EXOC6B: variants seen among roughly 807,000 people sequenced by gnomAD.
EXOC6B encodes exocyst complex component 6B.
Under a neutral mutation model 113.5 loss-of-function variants are expected in EXOC6B, and 54 were observed. That is an observed-to-expected ratio of 0.48 (90% confidence interval 0.38 to 0.60). EXOC6B has a LOEUF of 0.60. Among genes scored for constraint, EXOC6B ranks in the 20% least tolerant of loss-of-function variants. EXOC6B has a pLI of 0.00. For missense variants in EXOC6B, 797 were observed against 977.5 expected, an observed-to-expected ratio of 0.82 and a Z score of 2.46; for synonymous variants, 357 against 339.0, an observed-to-expected ratio of 1.05 and a Z score of -0.58.
intron 20 of EXOC6B, among the ~76,000 whole-genome samples, chr2:72,329,465 CT>C (rs1485557283): frequency 6.6e-6 from 1 of 152,018 alleles, no homozygotes; most frequent in African/African-American, 2.4e-5. Context: ...GACTACATGT[CT>C]TTTTGGTATA....
intron 6 of EXOC6B, among the ~76,000 whole-genome samples, chr2:72,659,102 GTAGGT>G (rs1389921998): frequency 1.3e-5 from 2 of 152,150 alleles, no homozygotes; most frequent in East Asian, 3.9e-4. Context: ...ATTTTTGGAA[GTAGGT>G]AGAAACATAC....
chr2:72,360,927 T>A (rs1352075781), intron 19 of EXOC6B, among the ~76,000 whole-genome samples: 1 of 105,208 alleles, frequency 9.5e-6, no homozygotes, highest in Non-Finnish European at 1.7e-5. Flanking sequence ...GAAGACTCCA[T>A]CTCAAAAAAA....
chr2:72,307,699 G>C (rs1161700857), intron 20 of EXOC6B, among the ~76,000 whole-genome samples: 1 of 152,092 alleles, frequency 6.6e-6, no homozygotes, highest in Non-Finnish European at 1.5e-5. Flanking sequence ...TACAGCAAAG[G>C]TTCCCTTTTT....
chr2:72,479,124 T>C (rs913492521), intron 17 of EXOC6B, among the ~76,000 whole-genome samples: 1 of 152,196 alleles, frequency 6.6e-6, no homozygotes, highest in Non-Finnish European at 1.5e-5. Context: ...TCATTAGACA[T>C]TGTGAAAAAT....
At chr2:72,596,930 A>G (rs558525015) in intron 6 of EXOC6B, among the ~76,000 whole-genome samples, 3 of 151,478 alleles carry the variant, frequency 2.0e-5, no homozygotes, top group South Asian at 2.1e-4. Context: ...TTAAAATCCT[A>G]TTTATCTCAG....
chr2:72,181,123 G>A (rs1373305047), intron 21 of EXOC6B, among the ~76,000 whole-genome samples: 2 of 149,646 alleles, frequency 1.3e-5, no homozygotes, highest in African/African-American at 5.0e-5. Context: ...GCAGGAGAAT[G>A]GTGTGAACCC....
intron 20 of EXOC6B, among the ~76,000 whole-genome samples, chr2:72,237,527 A>T (rs1682040977): frequency 6.6e-6 from 1 of 152,210 alleles, no homozygotes; most frequent in Non-Finnish European, 1.5e-5. Context: ...AAGAAAACTG[A>T]CTATAAATGA....
chr2:72,615,613 G>A (rs1488355191), intron 6 of EXOC6B, among the ~76,000 whole-genome samples: 1 of 149,742 alleles, frequency 6.7e-6, no homozygotes, highest in Non-Finnish European at 1.5e-5. Context: ...AAACCACTGT[G>A]TGGCCAGGCA....
chr2:72,602,825 C>T (rs1670510541), intron 6 of EXOC6B, among the ~76,000 whole-genome samples: 1 of 152,188 alleles, frequency 6.6e-6, no homozygotes, highest in South Asian at 2.1e-4. Flanking sequence ...ATTAAGCATT[C>T]CTCCTCCCCA....
intron 20 of EXOC6B, among the ~76,000 whole-genome samples, chr2:72,327,726 A>G (rs903368751): frequency 5.3e-5 from 8 of 152,122 alleles, no homozygotes; most frequent in East Asian, 1.9e-4. Context: ...CTTCCTCCCC[A>G]GTTAAGAAGC....
chr2:72,651,958 G>C (rs1674198468), intron 6 of EXOC6B, among the ~76,000 whole-genome samples: 2 of 152,094 alleles, frequency 1.3e-5, no homozygotes, highest in African/African-American at 4.8e-5. Flanking sequence ...ATGATACACA[G>C]ATCCAGTATA....
chr2:72,380,236 C>G (rs1005092119), intron 18 of EXOC6B, among the ~76,000 whole-genome samples: 1 of 152,094 alleles, frequency 6.6e-6, no homozygotes, highest in Non-Finnish European at 1.5e-5. Flanking sequence ...GAATAAATTT[C>G]AAAAACTTCC....
intron 18 of EXOC6B, among the ~76,000 whole-genome samples, chr2:72,416,381 G>A (rs902147866): frequency 4.6e-5 from 7 of 152,172 alleles, no homozygotes; most frequent in African/African-American, 1.7e-4. Context: ...CAAATGTGGT[G>A]CGTTTTACTC....
chr2:72,479,385 C>T (rs1179300928), intron 17 of EXOC6B, among the ~76,000 whole-genome samples: 1 of 152,014 alleles, frequency 6.6e-6, no homozygotes, highest in African/African-American at 2.4e-5. Context: ...AATCAAATTT[C>T]ATTTCTTCTC....
intron 19 of EXOC6B, among the ~76,000 whole-genome samples, chr2:72,347,352 T>C (rs1186830269): frequency 6.6e-6 from 1 of 152,196 alleles, no homozygotes; most frequent in East Asian, 1.9e-4. Flanking sequence ...ATTTTTACTA[T>C]GCTTTTAAGA....
chr2:72,393,074 TTTTG>T (rs745883718), intron 18 of EXOC6B, among the ~76,000 whole-genome samples: 41 of 151,890 alleles, frequency 2.7e-4, no homozygotes, highest in Non-Finnish European at 4.6e-4. Flanking sequence ...GGTTTGGTTT[TTTTG>T]TTTGTTTGTT....
intron 7 of EXOC6B, among the ~76,000 whole-genome samples, chr2:72,564,483 A>G (rs772100251): frequency 7.9e-5 from 12 of 152,216 alleles, no homozygotes; most frequent in Non-Finnish European, 1.3e-4. Context: ...TTAGATCTCA[A>G]GTCATTAAAA....
At position 72,811,091 on chromosome 2, in the gene EXOC6B, G is replaced by A. The variant is rs1456660041; in HGVS notation, c.113+14707C>T. Among the ~76,000 whole-genome samples the A allele has an allele frequency of 4.6e-5, 7 of 151,562 alleles. No individual in the cohort carries two copies. In the East Asian group the frequency reaches 1.2e-3, roughly 25 times the overall value. On this transcript the variant is annotated intron_variant, in intron 1 of 21. Transcript: ENST00000272427. ...CTCAGGCCTGTAATCCCAGCACTTT[G>A]GGAGTCCGAAGTGGGAGGATCACTT...
chr2:72,208,198 A>G (rs915910031), intron 20 of EXOC6B, among the ~76,000 whole-genome samples: 8 of 152,028 alleles, frequency 5.3e-5, no homozygotes, highest in African/African-American at 1.9e-4. Flanking sequence ...TAGTGAGCAC[A>G]GTACCCAATA....
Sources: gnomAD v4.1 joint callset for allele counts (sites outside exome capture counted in the v4.1 genomes callset) on GRCh38, gnomAD v4.1.1 for gene constraint, MANE v1.5 for transcripts, NCBI Gene and HGNC (gene_info 2026-07-23, HGNC 2026-07-21) for gene names.